The following RP1 variants were observed in gnomAD, a reference collection of about 807,000 sequenced individuals.
The protein encoded by RP1 is RP1 axonemal microtubule associated.
Under a neutral mutation model 14.8 loss-of-function variants are expected in RP1, and 16 were observed. The observed-to-expected ratio is 1.08, with a 90% confidence interval of 0.73 to 1.65. The LOEUF is 1.65. RP1 is among the 40% of genes most tolerant of loss of function. The pLI, the probability that RP1 is intolerant of heterozygous loss-of-function variation, is 0.00. For synonymous variants in RP1, 876 were observed against 883.6 expected (o/e 0.99, Z 0.15); for missense variants, 2,631 against 2,535.0 (o/e 1.04, Z -0.81).
chr8:54,695,944 G>T (rs1335670496), intron 12 of RP1, among the ~76,000 whole-genome samples: 1 of 152,110 alleles, frequency 6.6e-6, no homozygotes, highest in Non-Finnish European at 1.5e-5. Flanking sequence ...TAAACAGGAA[G>T]ATTTCCATTT....
At chr8:54,738,957 C>A in exon 19 of RP1, 1 of 1,494,162 alleles carries the variant, frequency 6.7e-7, no homozygotes, top group Non-Finnish European at 8.9e-7. Flanking sequence ...AAATAAGAAA[C>A]ACTGGAAACA....
At chr8:54,667,966 T>G (rs1008840071) in intron 7 of RP1, among the ~76,000 whole-genome samples, 4 of 151,802 alleles carry the variant, frequency 2.6e-5, no homozygotes, top group Admixed American at 1.3e-4. Flanking sequence ...GAAAAAGAGG[T>G]AATCCTCTCT....
chr8:54,641,771 G>A (rs529697489), intron 3 of RP1, among the ~76,000 whole-genome samples: 11 of 152,260 alleles, frequency 7.2e-5, no homozygotes, highest in Admixed American at 6.5e-4. Context: ...AATAGGCACC[G>A]TACTATGTGC....
chr8:54,626,196 G>A lies in RP1; in HGVS notation c.2314G>A (p.Gly772Arg). 2 of 1,610,326 alleles carry A rather than the reference G, an allele frequency of 1.2e-6. No homozygotes were observed. The highest frequency in any genetic ancestry group is 1.7e-6 in the Non-Finnish European group (2 of 1,178,526). The change falls in exon 4 of 4, where the codon GGA becomes AGA. Residue 772 changes from glycine to arginine, a missense_variant. Coordinates refer to ENST00000220676, the MANE Select transcript of RP1 (RefSeq NM_006269.2). ...LNTTQNSKVQ[G>R]LLTKRKSRSL... ...TACTACTCAAAATTCCAAGGTTCAA[G>A]GACTTTTAACCAAAAGAAAATCTAG... is the stretch of plus-strand genomic sequence containing the variant.
At chr8:54,694,877 G>A (rs147466288) in intron 12 of RP1, among the ~76,000 whole-genome samples, 50 of 141,834 alleles carry the variant, frequency 3.5e-4, no homozygotes, top group South Asian at 9.1e-4. Flanking sequence ...GAATGTGTTT[G>A]CTCTTGCTTT....
chr8:54,783,702 A>G (rs1311912435), exon 24 of RP1: 2 of 1,230,592 alleles, frequency 1.6e-6, no homozygotes, highest in East Asian at 3.2e-5. Context: ...CACTGCAGAT[A>G]TATTCAAGGT....
chr8:54,753,124 C>T (rs1284303156), intron 19 of RP1, among the ~76,000 whole-genome samples: 1 of 152,096 alleles, frequency 6.6e-6, no homozygotes, highest in African/African-American at 2.4e-5. Flanking sequence ...GTTGGAAATG[C>T]CAGAGCTAGA....
chr8:54,692,257 A>G (rs890536980), intron 12 of RP1, among the ~76,000 whole-genome samples: 1 of 150,714 alleles, frequency 6.6e-6, no homozygotes, highest in Non-Finnish European at 1.5e-5. Context: ...TGCTATTGTG[A>G]ATAGTGCAAC....
chr8:54,844,556 G>A (rs868501005), intron 25 of RP1, among the ~76,000 whole-genome samples: 3 of 151,872 alleles, frequency 2.0e-5, no homozygotes, highest in Non-Finnish European at 1.5e-5. Flanking sequence ...CTCTGTGTGT[G>A]CATATGTGTG....
rs1056738738 is a variant in RP1, at chr8:54,701,673, G to C, written c.1998+11G>C. On this transcript the variant is annotated intron_variant, in intron 14 of 22. Transcript: ENST00000636932. Reference sequence around the variant, plus strand: ...GTGATTTTTGTCAAGGTAAAATGGAGAAAGTTATTAAAGTTTATATTGCTA... The same window carrying C: ...GTGATTTTTGTCAAGGTAAAATGGACAAAGTTATTAAAGTTTATATTGCTA... The C allele has an allele frequency of 6.5e-6, 10 of 1,533,060 alleles. No individual in the cohort carries two copies. The Admixed American group carries it at 7.9e-5, about 12-fold the overall frequency. The allele number at this position is 1,533,060 out of a possible 1,614,324, so 95.0% of individuals were successfully genotyped here.
At chr8:54,644,973 T>C (rs1230164342) in intron 3 of RP1, among the ~76,000 whole-genome samples, 1 of 152,184 alleles carries the variant, frequency 6.6e-6, no homozygotes, top group East Asian at 1.9e-4. Flanking sequence ...TTCTAAGTTG[T>C]ATTGGGTTAA....
intron 24 of RP1, among the ~76,000 whole-genome samples, chr8:54,832,226 T>G (rs146938876): frequency 2.3e-3 from 342 of 151,898 alleles, no homozygotes; most frequent in African/African-American, 7.8e-3. Context: ...TTTAAGTATT[T>G]TTTCTTCTCT....
Position 54,764,227 on chromosome 8 carries a change from C to G in RP1, c.3248+5151C>G, listed in dbSNP as rs528877889. Among the ~76,000 whole-genome samples, 34 of 152,350 alleles carry G rather than the reference C, an allele frequency of 2.2e-4. No homozygotes were observed. In the South Asian group the frequency reaches 6.4e-3, roughly 29 times the overall value. ...TCCTTGAGATCACACTCTGGGGGAA[C>G]CTTTGCAGCCAAAAGCTGGCCTTGG... is the stretch of plus-strand genomic sequence containing the variant. On this transcript the variant is annotated intron_variant, in intron 22 of 22. Coordinates refer to the RP1 transcript ENST00000636932.
At chr8:54,836,392 G>T (rs1361573874) in intron 24 of RP1, among the ~76,000 whole-genome samples, 2 of 152,134 alleles carry the variant, frequency 1.3e-5, no homozygotes, top group Admixed American at 6.5e-5. Context: ...CGTAATTAAG[G>T]TTACTAATTA....
chr8:54,759,946 A>C (rs1419102672), intron 22 of RP1, among the ~76,000 whole-genome samples: 1 of 152,210 alleles, frequency 6.6e-6, no homozygotes, highest in African/African-American at 2.4e-5. Context: ...GGTAATCAAC[A>C]GGAAATGAGA....
chr8:54,736,818 G>T (rs1470140130), intron 18 of RP1, among the ~76,000 whole-genome samples: 1 of 152,116 alleles, frequency 6.6e-6, no homozygotes, highest in Non-Finnish European at 1.5e-5. Context: ...ATCAGAATCT[G>T]CATTTTAACC....
intron 12 of RP1, among the ~76,000 whole-genome samples, chr8:54,687,552 C>T (rs1391278230): frequency 6.6e-6 from 1 of 152,060 alleles, no homozygotes; most frequent in African/African-American, 2.4e-5. Context: ...TGAGTGAAAA[C>T]ATGCGGTGTT....
chr8:54,811,516 A>G (rs947895284), intron 24 of RP1, among the ~76,000 whole-genome samples: 1 of 152,182 alleles, frequency 6.6e-6, no homozygotes, highest in Non-Finnish European at 1.5e-5. Context: ...ACATTTTAAG[A>G]TCTGCAACCA....
At chr8:54,859,471 C>T (rs1812290160) in intron 27 of RP1, among the ~76,000 whole-genome samples, 1 of 150,738 alleles carries the variant, frequency 6.6e-6, no homozygotes, top group Non-Finnish European at 1.5e-5. Context: ...GTAGCAGTGT[C>T]ACTGTGGAGC....
Sources: gnomAD v4.1 joint callset for allele counts (sites outside exome capture counted in the v4.1 genomes callset) on GRCh38, gnomAD v4.1.1 for gene constraint, MANE v1.5 for transcripts, NCBI Gene and HGNC (gene_info 2026-07-23, HGNC 2026-07-21) for gene names.